Variants in XPO6 observed in about 807,000 individuals in gnomAD.
XPO6 encodes the protein exportin-6.
XPO6 carries 3 observed loss-of-function variants against 130.0 expected under a neutral mutation model. The ratio of observed to expected loss-of-function variants is 0.02; its 90% CI spans 0.01 to 0.06. The LOEUF (loss-of-function observed/expected upper bound fraction) is 0.06, where lower values mean the gene tolerates loss of function less well. Among genes scored for constraint, XPO6 ranks in the 10% least tolerant of loss-of-function variants. The pLI is 1.00. For missense variants in XPO6, 970 were observed against 1,393.0 expected (o/e 0.70, Z 4.83); for synonymous variants, 524 against 548.9 (o/e 0.95, Z 0.63).
intron 9 of XPO6, among the ~76,000 whole-genome samples, chr16:28,139,555 T>TAC (rs1215811087): frequency 6.6e-6 from 1 of 152,200 alleles, no homozygotes. Context: ...GAATGATGGG[T>TAC]ACGTGTATAA....
chr16:28,149,070 AAAAC>A (rs925049386), intron 8 of XPO6, among the ~76,000 whole-genome samples: 1 of 150,694 alleles, frequency 6.6e-6, no homozygotes, highest in African/African-American at 2.4e-5. Flanking sequence ...AAAAAAAAAA[AAAAC>A]AAAAGGAAGG....
At chr16:28,134,873 A>G (rs575363634) in intron 10 of XPO6, among the ~76,000 whole-genome samples, 2 of 152,138 alleles carry the variant, frequency 1.3e-5, no homozygotes, top group African/African-American at 4.8e-5. Flanking sequence ...GCATCCAGCT[A>G]GCTGTTACTG....
chr16:28,174,837 TC>T (rs768256445), intron 4 of XPO6, among the ~76,000 whole-genome samples: 1 of 152,282 alleles, frequency 6.6e-6, no homozygotes, highest in East Asian at 1.9e-4. Flanking sequence ...AATACCCACT[TC>T]CTGCATACCC....
At position 28,101,439 on chromosome 16, in the gene XPO6, GGC is replaced by G; in HGVS notation, c.3276+17_3276+18del. 1.2e-6 allele frequency: 2 copies of G among 1,610,120 alleles called. No individual in the cohort carries two copies. The highest frequency in any genetic ancestry group is 2.2e-5 in the South Asian group (2 of 90,968). On this transcript the variant is annotated intron_variant, in intron 23 of 23. Coordinates refer to ENST00000304658, the MANE Select transcript of XPO6 (RefSeq NM_015171.4). The surrounding 1 kb of genome is among the most constrained non-coding windows in gnomAD (Gnocchi z 5.4). ...GCCCACTCTGCCCTCCTCTTAGCCC[GGC>G]CTCTTTCTCTCCTCACCCGATCCAT...
chr16:28,188,671 C>CA (rs144107071), intron 1 of XPO6, among the ~76,000 whole-genome samples: 6 of 65,654 alleles, frequency 9.1e-5, no homozygotes, highest in Non-Finnish European at 1.5e-4. Context: ...TTCACCACTG[C>CA]AAAAAAAAAA....
intron 9 of XPO6, among the ~76,000 whole-genome samples, chr16:28,140,402 G>A (rs935213073): frequency 3.3e-5 from 5 of 151,534 alleles, no homozygotes; most frequent in Admixed American, 6.6e-5. Context: ...AAGGATAGCC[G>A]GGCGTGGTGG....
chr16:28,207,511 C>T (rs2044052298), intron 1 of XPO6, among the ~76,000 whole-genome samples: 1 of 152,144 alleles, frequency 6.6e-6, no homozygotes, highest in Non-Finnish European at 1.5e-5. Context: ...GCTAGCTCTT[C>T]CTGTAATTCT....
At chr16:28,158,686 G>T (rs935403884) in intron 6 of XPO6, among the ~76,000 whole-genome samples, 1 of 152,134 alleles carries the variant, frequency 6.6e-6, no homozygotes, top group Non-Finnish European at 1.5e-5. Context: ...CTACTCTGTG[G>T]ACCTGGACCA....
chr16:28,181,112 A>G (rs959338075), intron 1 of XPO6, 81 bp from the exon 2 acceptor site: 1 of 1,045,068 alleles, frequency 9.6e-7, no homozygotes, highest in Non-Finnish European at 1.4e-6. Context: ...GTCACATTCA[A>G]CAGCAAGAGC....
intron 14 of XPO6, among the ~76,000 whole-genome samples, chr16:28,119,559 C>CATACAA (rs1596812112): frequency 6.6e-6 from 1 of 152,020 alleles, no homozygotes; most frequent in East Asian, 1.9e-4. Flanking sequence ...CACACACACA[C>CATACAA]GCACATGCAG....
At chr16:28,098,961 G>A (rs1232437457) in intron 23 of XPO6, among the ~76,000 whole-genome samples, 2 of 152,182 alleles carry the variant, frequency 1.3e-5, no homozygotes. Context: ...AGGACAGAAA[G>A]ACCAAAGCGC....
chr16:28,209,406 G>A (rs774774445), intron 1 of XPO6, among the ~76,000 whole-genome samples: 4 of 152,086 alleles, frequency 2.6e-5, no homozygotes, highest in African/African-American at 9.7e-5. Flanking sequence ...TTGGGAGGCC[G>A]AGGCGGGTGG....
intron 7 of XPO6, chr16:28,153,087 G>A: frequency 1.9e-6 from 2 of 1,048,942 alleles, no homozygotes; most frequent in Non-Finnish European, 2.3e-6. Flanking sequence ...GAAGGGAAAT[G>A]ATAAAAAGTT....
chr16:28,104,782 C>A, intron 20 of XPO6, 75 bp from the exon 21 acceptor site: 1 of 1,550,546 alleles, frequency 6.4e-7, no homozygotes, highest in South Asian at 1.2e-5. Flanking sequence ...AGCAAAGATG[C>A]CTAGGAGACG....
chr16:28,114,217 A>G lies in XPO6; in HGVS notation c.2005-1167T>C, dbSNP rs528195146. On this transcript the variant is annotated intron_variant, in intron 15 of 23. Coordinates refer to ENST00000304658, the MANE Select transcript of XPO6 (RefSeq NM_015171.4). ...ATCCTCACAAAAAAAAAAAAAAAAA[A>G]CCACTGGACATTTTGACAATCTGAA... Among the ~76,000 whole-genome samples, 15 of 150,718 alleles carry G rather than the reference A, an allele frequency of 1.0e-4. No individual in the cohort carries two copies. The South Asian group carries it at 1.3e-3, about 13-fold the overall frequency.
Position 28,117,462 on chromosome 16 carries a change from C to T in XPO6, c.1860G>A (p.Val620=), listed in dbSNP as rs1439212130. 3 of 1,611,172 alleles carry T rather than the reference C, an allele frequency of 1.9e-6. No individual in the cohort carries two copies. In the African/African-American group the frequency reaches 4.0e-5, roughly 22 times the overall value. Residue 620 remains valine (V), a splice_region_variant and synonymous_variant, in exon 15 of 24, where the codon GTG becomes GTA. Transcript: ENST00000304658. ...PSVLKPDLID[V]HAQSLAALQA... ...GCAGCGCAGCCAGGGACTGAGCATG[C>T]CTGCAGAAAGAAAAGAAGATGTGAT...
At chr16:28,133,483 A>G (rs1463194215) in intron 11 of XPO6, among the ~76,000 whole-genome samples, 1 of 152,242 alleles carries the variant, frequency 6.6e-6, no homozygotes. Flanking sequence ...ACACGCAGAG[A>G]AAGCTAGCAA....
At chr16:28,133,809 T>C in intron 11 of XPO6, 32 bp downstream of exon 11, 1 of 1,610,244 alleles carries the variant, frequency 6.2e-7, no homozygotes, top group Non-Finnish European at 8.5e-7. Flanking sequence ...GAGAAATCGC[T>C]ACACTCTCCA....
intron 21 of XPO6, among the ~76,000 whole-genome samples, chr16:28,102,782 A>C (rs2086680921): frequency 6.6e-6 from 1 of 152,012 alleles, no homozygotes; most frequent in African/African-American, 2.4e-5. Flanking sequence ...CAGGGGCAAA[A>C]AGAAACACCC....
Sources: gnomAD v4.1 joint callset for allele counts (sites outside exome capture counted in the v4.1 genomes callset) on GRCh38, gnomAD v4.1.1 for gene constraint, Gnocchi (gnomAD v3.1) non-coding constraint, MANE v1.5 for transcripts, NCBI Gene and HGNC (gene_info 2026-07-23, HGNC 2026-07-21) for gene names.